Variants in HDAC9 observed in about 807,000 individuals in gnomAD.
HDAC9 encodes the protein histone deacetylase 9, also known as MEF-2 interacting transcription repressor (MITR) protein.
A neutral mutation model predicts 139.4 loss-of-function variants in HDAC9; 41 were observed. The observed-to-expected ratio is 0.29, with a 90% CI of 0.23 to 0.38. The LOEUF (loss-of-function observed/expected upper bound fraction) is 0.38, where lower values mean the gene tolerates loss of function less well. Ranked by LOEUF, HDAC9 falls within the 10% of genes least tolerant of loss-of-function variation. The probability of loss-of-function intolerance (pLI) is 1.00; values close to 1 mark genes in which losing one functional copy is unlikely to be tolerated. For missense variants in HDAC9, 1,147 were observed against 1,297.0 expected (o/e 0.88, Z 1.78); for synonymous variants, 517 against 476.2 (o/e 1.09, Z -1.12).
chr7:18,091,448 G>C (rs745724484), intron 1 of HDAC9, among the ~76,000 whole-genome samples: 1 of 152,174 alleles, frequency 6.6e-6, no homozygotes, highest in Admixed American at 6.5e-5. Context: ...GTGATGACTG[G>C]AATTTGAAGT....
intron 2 of HDAC9, among the ~76,000 whole-genome samples, chr7:18,182,298 CATG>C (rs1422615794): frequency 6.6e-6 from 1 of 152,142 alleles, no homozygotes; most frequent in African/African-American, 2.4e-5. Context: ...AATTTAGAAA[CATG>C]ATTTCTGGGC....
At chr7:18,358,970 C>T (rs950072507) in intron 1 of HDAC9, among the ~76,000 whole-genome samples, 4 of 152,196 alleles carry the variant, frequency 2.6e-5, no homozygotes, top group African/African-American at 9.7e-5. Context: ...CCAAGGACAA[C>T]AGCTAATAAA....
intron 12 of HDAC9, among the ~76,000 whole-genome samples, chr7:18,676,454 C>T (rs1051342460): frequency 6.6e-6 from 1 of 151,582 alleles, no homozygotes; most frequent in Admixed American, 6.6e-5. Context: ...TTTTGCATAG[C>T]CATTTGTCCT....
intron 13 of HDAC9, among the ~76,000 whole-genome samples, chr7:18,744,013 T>A (rs1032271124): frequency 1.2e-5 from 1 of 82,520 alleles, no homozygotes; most frequent in African/African-American, 4.0e-5. Context: ...TTACTACTAG[T>A]TTTTTTTTTT....
chr7:18,370,471 TC>T (rs1409733032), intron 1 of HDAC9, among the ~76,000 whole-genome samples: 1 of 152,136 alleles, frequency 6.6e-6, no homozygotes, highest in Non-Finnish European at 1.5e-5. Context: ...ATCAGAGAAG[TC>T]CATGTAGTTA....
rs997255740 is a variant in HDAC9 at position 18,383,781 on chromosome 7, C to T, written c.-42+93266C>T. 8.0e-5 allele frequency among the ~76,000 whole-genome samples: 12 copies of T among 150,108 alleles called. No homozygotes were observed. In the South Asian group the frequency reaches 1.0e-3, roughly 13 times the overall value. On this transcript the variant is annotated intron_variant, in intron 1 of 3. Coordinates refer to the HDAC9 transcript ENST00000413509. ...GCGGGCGTCTGCAGTCCCAGCTACA[C>T]GGAAGGCTGAGGCAGGAGAATGGCG...
rs1834934964 is a variant in HDAC9, at chr7:18,604,618, C to A, written c.664+10589C>A. Among the ~76,000 whole-genome samples the A allele has an allele frequency of 2.6e-5, 4 of 152,090 alleles. No homozygotes were observed. The South Asian group carries it at 8.3e-4, about 32-fold the overall frequency. On this transcript the variant is annotated intron_variant, in intron 6 of 25. Transcript: ENST00000686413. Reference sequence around the variant, plus strand: ...GTTTCACCATGTTAGCCAGGATGGTCTTGATCTCCTGACCTCATGATCCGC... The same window carrying A: ...GTTTCACCATGTTAGCCAGGATGGTATTGATCTCCTGACCTCATGATCCGC...
chr7:18,978,158 A>T (rs1784670084), intron 25 of HDAC9, among the ~76,000 whole-genome samples: 1 of 152,176 alleles, frequency 6.6e-6, no homozygotes, highest in Admixed American at 6.5e-5. Context: ...AAAATCAGAG[A>T]GCTAAATGGA....
intron 2 of HDAC9, among the ~76,000 whole-genome samples, chr7:18,249,965 C>T (rs1329549801): frequency 2.0e-5 from 3 of 152,118 alleles, no homozygotes; most frequent in Non-Finnish European, 4.4e-5. Flanking sequence ...AATGTCTTTT[C>T]AGCTGTGAAG....
chr7:18,803,945 A>T (rs1793503397), intron 17 of HDAC9, among the ~76,000 whole-genome samples: 1 of 152,216 alleles, frequency 6.6e-6, no homozygotes, highest in African/African-American at 2.4e-5. Context: ...GCCAGAAACT[A>T]CTTTAAATAC....
At chr7:18,757,070 T>C (rs1402209882) in intron 14 of HDAC9, among the ~76,000 whole-genome samples, 1 of 149,184 alleles carries the variant, frequency 6.7e-6, no homozygotes, top group Non-Finnish European at 1.5e-5. Flanking sequence ...TATTTTTATG[T>C]TTTTTTTTAA....
intron 1 of HDAC9, among the ~76,000 whole-genome samples, chr7:18,364,563 TC>T (rs1767720548): frequency 1.3e-5 from 2 of 152,010 alleles, no homozygotes; most frequent in African/African-American, 2.4e-5. Context: ...TCAGAATGGC[TC>T]CTGGACCAGC....
intron 1 of HDAC9, among the ~76,000 whole-genome samples, chr7:18,431,403 A>C (rs1790648283): frequency 6.6e-6 from 1 of 152,186 alleles, no homozygotes; most frequent in African/African-American, 2.4e-5. Flanking sequence ...CGACTGCCAT[A>C]ATGTAGTCAC....
At chr7:18,899,777 T>C (rs1265166589) in intron 22 of HDAC9, among the ~76,000 whole-genome samples, 1 of 151,960 alleles carries the variant, frequency 6.6e-6, no homozygotes, top group East Asian at 1.9e-4. Flanking sequence ...GTAGTATGGA[T>C]AAAGATGGAT....
intron 2 of HDAC9, among the ~76,000 whole-genome samples, chr7:18,541,350 G>T (rs1012999465): frequency 6.6e-6 from 1 of 151,970 alleles, no homozygotes; most frequent in Non-Finnish European, 1.5e-5. Flanking sequence ...CCAGAAGAGC[G>T]AAAGTAGCTC....
intron 2 of HDAC9, among the ~76,000 whole-genome samples, chr7:18,514,485 A>T (rs1364596893): frequency 1.3e-5 from 2 of 152,264 alleles, no homozygotes; most frequent in Non-Finnish European, 2.9e-5. Context: ...TTTTGGGCTA[A>T]AATAGAAATT....
intron 13 of HDAC9, among the ~76,000 whole-genome samples, chr7:18,745,671 C>G (rs1403022752): frequency 1.3e-5 from 2 of 150,628 alleles, no homozygotes; most frequent in South Asian, 2.1e-4. Flanking sequence ...CTCAGCCTCC[C>G]GAGTAGCTGG....
intron 1 of HDAC9, among the ~76,000 whole-genome samples, chr7:18,112,984 C>T: frequency 6.6e-6 from 1 of 151,890 alleles, no homozygotes; most frequent in East Asian, 1.9e-4. Flanking sequence ...ATTGATGGTA[C>T]AGGCGAAGGT....
intron 2 of HDAC9, among the ~76,000 whole-genome samples, chr7:18,278,317 A>G (rs1196592140): frequency 6.6e-6 from 1 of 152,184 alleles, no homozygotes; most frequent in Non-Finnish European, 1.5e-5. Context: ...GAGATTTGTT[A>G]TTTCACATTT....
Sources: allele counts gnomAD v4.1 joint callset (sites outside exome capture counted in the v4.1 genomes callset), GRCh38; gene constraint gnomAD v4.1.1; transcripts MANE v1.5; gene names NCBI Gene and HGNC (gene_info 2026-07-23, HGNC 2026-07-21).